The following MALRD1 variants were observed in gnomAD, a reference collection of about 807,000 sequenced individuals.
MALRD1 encodes MAM and LDL receptor class A domain containing 1.
Under a neutral mutation model 242.1 loss-of-function variants are expected in MALRD1, and 247 were observed. The ratio of observed to expected loss-of-function variants is 1.02; its 90% confidence interval spans 0.92 to 1.13. The LOEUF is 1.13. Among genes scored for constraint, MALRD1 ranks in the 50% most tolerant of loss-of-function variants. The probability of loss-of-function intolerance (pLI) is 0.00; values close to 1 mark genes in which losing one functional copy is unlikely to be tolerated. For synonymous variants in MALRD1, 995 were observed against 866.6 expected, an observed-to-expected ratio of 1.15 and a Z score of -2.60; for missense variants, 2,989 against 2,533.1, an observed-to-expected ratio of 1.18 and a Z score of -3.86.
chr10:19,231,813 C>T lies in MALRD1; in HGVS notation c.2991+22133C>T, dbSNP rs979727883. ...TACAGTCTGTTCTGTAAGCCCAAGTCGGATCACCGAGTCCCGCTTTCTGTT... is the reference window on the plus strand; with the variant it reads ...TACAGTCTGTTCTGTAAGCCCAAGTTGGATCACCGAGTCCCGCTTTCTGTT... On this transcript the variant is annotated intron_variant, in intron 18 of 39. Coordinates refer to ENST00000454679, the MANE Select transcript of MALRD1 (RefSeq NM_001142308.3). Among the ~76,000 whole-genome samples the T allele has an allele frequency of 3.3e-5, 5 of 151,248 alleles. No individual in the cohort carries two copies. The East Asian group carries it at 7.8e-4, about 24-fold the overall frequency.
At chr10:19,216,316 C>G (rs1837313414) in intron 18 of MALRD1, among the ~76,000 whole-genome samples, 1 of 151,734 alleles carries the variant, frequency 6.6e-6, no homozygotes, top group African/African-American at 2.4e-5. Flanking sequence ...CAAGGTTTCA[C>G]CATATTGGCC....
intron 33 of MALRD1, among the ~76,000 whole-genome samples, chr10:19,575,990 G>A (rs1179192103): frequency 1.3e-5 from 2 of 152,212 alleles, no homozygotes; most frequent in East Asian, 3.9e-4. Flanking sequence ...CAAAGAATAT[G>A]TTATTGCAAG....
chr10:19,296,158 A>G (rs1432424321), intron 21 of MALRD1, among the ~76,000 whole-genome samples: 2 of 152,088 alleles, frequency 1.3e-5, no homozygotes, highest in African/African-American at 4.8e-5. Context: ...GATAACTTTA[A>G]ACACAGTTCC....
chr10:19,148,925 G>T (rs912481103), intron 11 of MALRD1, among the ~76,000 whole-genome samples: 6 of 151,398 alleles, frequency 4.0e-5, no homozygotes, highest in Admixed American at 2.6e-4. Flanking sequence ...AATGAAAAAG[G>T]ACCAGGAAGG....
At chr10:19,049,202 C>T (rs1436317300) in intron 1 of MALRD1, 65 bp downstream of exon 1, 2 of 1,201,452 alleles carry the variant, frequency 1.7e-6, no homozygotes, top group Non-Finnish European at 2.1e-6. Context: ...GGCCTCTGAG[C>T]AGTCTGGGAG....
chr10:19,475,997 T>C (rs969155393), intron 29 of MALRD1, among the ~76,000 whole-genome samples: 1 of 152,212 alleles, frequency 6.6e-6, no homozygotes, highest in Non-Finnish European at 1.5e-5. Flanking sequence ...CTCTCCTCAC[T>C]TTTACAGTGG....
At chr10:19,445,451 T>A (rs1341942460) in intron 28 of MALRD1, among the ~76,000 whole-genome samples, 3 of 152,214 alleles carry the variant, frequency 2.0e-5, no homozygotes, top group African/African-American at 7.2e-5. Context: ...TGGTTTTATC[T>A]ACCTTTGGTC....
chr10:19,324,045 A>T lies in MALRD1; in HGVS notation c.3516A>T (p.Gly1172=). Residue 1172 remains glycine (G), a synonymous_variant, in exon 22 of 40, where the codon GGA becomes GGT. Transcript: ENST00000454679. Reference sequence around the variant, plus strand: ...TCACTCCTATCATTTCACTCACGGGACCAAAATGTACCTTGGTGTTCTGGA... The same window carrying T: ...TCACTCCTATCATTTCACTCACGGGTCCAAAATGTACCTTGGTGTTCTGGA... ...DILTPIISLT[G]PKCTLVFWTH... is the part of the protein sequence containing the mutation. 1 of 1,550,654 alleles carries T rather than the reference A, an allele frequency of 6.4e-7. No individual in the cohort carries two copies. Among genetic ancestry groups the T allele is most frequent in the South Asian group, 1.2e-5 (1 of 84,064 alleles).
At chr10:19,193,854 A>ATG (rs1326062878) in intron 14 of MALRD1, among the ~76,000 whole-genome samples, 1 of 151,586 alleles carries the variant, frequency 6.6e-6, no homozygotes, top group Non-Finnish European at 1.5e-5. Flanking sequence ...ATATATATAT[A>ATG]TACACACACA....
At chr10:19,144,431 C>T (rs988458682) in intron 10 of MALRD1, among the ~76,000 whole-genome samples, 2 of 152,156 alleles carry the variant, frequency 1.3e-5, no homozygotes, top group Non-Finnish European at 2.9e-5. Flanking sequence ...GTAGAGAAAT[C>T]GGAAGTGGCA....
rs74824931 is a variant in MALRD1 at position 19,344,529 on chromosome 10, A to G, written c.3902-3242A>G. Among the ~76,000 whole-genome samples the G allele has an allele frequency of 9.8e-3, 1,497 of 152,098 alleles. 19 individuals carry two copies. The highest frequency in any genetic ancestry group is 0.026 in the African/African-American group (1,067 of 41,528). On this transcript the variant is annotated intron_variant, in intron 24 of 39. Transcript: ENST00000454679. ...AGGTATCTATTCCTCCACCAGTACA[A>G]GACAGTCTGGTTAACTAAAGCTGTA...
intron 31 of MALRD1, among the ~76,000 whole-genome samples, chr10:19,521,594 C>G (rs1833887728): frequency 6.6e-6 from 1 of 152,028 alleles, no homozygotes; most frequent in South Asian, 2.1e-4. Flanking sequence ...CATTCTTGGC[C>G]ATTGATCTAG....
At chr10:19,237,750 TA>T (rs1455609087) in intron 18 of MALRD1, among the ~76,000 whole-genome samples, 6 of 115,528 alleles carry the variant, frequency 5.2e-5, no homozygotes, top group South Asian at 5.0e-4. Flanking sequence ...AATTTATATA[TA>T]AAACCATAAT....
intron 39 of MALRD1, among the ~76,000 whole-genome samples, chr10:19,731,398 T>TA (rs1835290313): frequency 6.6e-6 from 1 of 152,152 alleles, no homozygotes; most frequent in Non-Finnish European, 1.5e-5. Flanking sequence ...TTTATATGTT[T>TA]AAGGTATACA....
chr10:19,337,688 T>A (rs114497226), intron 24 of MALRD1, among the ~76,000 whole-genome samples: 90 of 152,266 alleles, frequency 5.9e-4, no homozygotes, highest in African/African-American at 1.9e-3. Context: ...TATCATCATT[T>A]TGTAGGTTGT....
intron 1 of MALRD1, among the ~76,000 whole-genome samples, chr10:19,050,726 A>G (rs1270063171): frequency 6.6e-6 from 1 of 152,134 alleles, no homozygotes; most frequent in Non-Finnish European, 1.5e-5. Flanking sequence ...CTTGCTCTGG[A>G]CTGTCTGGAA....
chr10:19,725,564 C>A (rs1281291758), intron 38 of MALRD1, among the ~76,000 whole-genome samples: 1 of 152,118 alleles, frequency 6.6e-6, no homozygotes, highest in Non-Finnish European at 1.5e-5. Flanking sequence ...CAATCTCTAT[C>A]GAAAATTCCA....
chr10:19,322,970 C>T (rs1034981630), intron 21 of MALRD1, among the ~76,000 whole-genome samples: 3 of 152,028 alleles, frequency 2.0e-5, no homozygotes, highest in African/African-American at 7.2e-5. Flanking sequence ...CCTAGAATGA[C>T]TTTAATGTTT....
At chr10:19,625,851 A>G (rs1839629434) in intron 36 of MALRD1, among the ~76,000 whole-genome samples, 1 of 152,148 alleles carries the variant, frequency 6.6e-6, no homozygotes, top group South Asian at 2.1e-4. Context: ...GCAACCAACA[A>G]TCATTCTTTA....
Sources: gnomAD v4.1 joint callset for allele counts (sites outside exome capture counted in the v4.1 genomes callset) on GRCh38, gnomAD v4.1.1 for gene constraint, MANE v1.5 for transcripts, NCBI Gene and HGNC (gene_info 2026-07-23, HGNC 2026-07-21) for gene names.